The following CCSER1 variants were observed in gnomAD, a reference collection of about 807,000 sequenced individuals.
CCSER1 encodes the protein serine-rich coiled-coil domain-containing protein 1.
In CCSER1, 41 loss-of-function variants were observed where a neutral mutation model predicts 82.0. The observed-to-expected ratio is 0.50, with a 90% CI of 0.39 to 0.65. CCSER1 has a LOEUF of 0.65. Among genes scored for constraint, CCSER1 ranks in the 30% least tolerant of loss-of-function variants. The pLI is 0.00. For missense variants in CCSER1, 1,119 were observed against 1,064.2 expected (o/e 1.05, Z -0.72); for synonymous variants, 414 against 383.9 (o/e 1.08, Z -0.92).
chr4:90,358,446 C>T (rs984131345), intron 3 of CCSER1, among the ~76,000 whole-genome samples: 60 of 152,072 alleles, frequency 3.9e-4, no homozygotes, highest in African/African-American at 1.4e-3. Flanking sequence ...TTAATTAGTA[C>T]ATGGAAAGTA....
At chr4:91,589,563 G>T (rs565884791) in intron 10 of CCSER1, among the ~76,000 whole-genome samples, 1 of 129,700 alleles carries the variant, frequency 7.7e-6, no homozygotes, top group Non-Finnish European at 1.6e-5. Context: ...AGGGTGTCTA[G>T]ACAAGAGGCT....
chr4:90,174,988 G>C (rs1732399591), intron 1 of CCSER1, among the ~76,000 whole-genome samples: 1 of 151,934 alleles, frequency 6.6e-6, no homozygotes, highest in Non-Finnish European at 1.5e-5. Context: ...CTATGACCTA[G>C]CTATTCCAAA....
chr4:90,632,436 C>A (rs963951408), intron 6 of CCSER1, among the ~76,000 whole-genome samples: 1 of 151,590 alleles, frequency 6.6e-6, no homozygotes, highest in African/African-American at 2.4e-5. Flanking sequence ...TAATCTAATC[C>A]AGGTTTGGGG....
chr4:91,189,649 A>G lies in CCSER1; in HGVS notation c.2217+103655A>G, dbSNP rs556452304. 3.3e-5 allele frequency among the ~76,000 whole-genome samples: 5 copies of G among 152,294 alleles called. No individual in the cohort carries two copies. The East Asian group carries it at 9.6e-4, about 29-fold the overall frequency. On this transcript the variant is annotated intron_variant, in intron 10 of 10. Coordinates refer to ENST00000509176, the MANE Select transcript of CCSER1 (RefSeq NM_001145065.2). ...TATCTGAGAACCATGGAGAAATACA[A>G]TCTGGCTAGTACTGTTTTGTTTTTC... is the stretch of plus-strand genomic sequence containing the variant.
chr4:90,699,936 G>T (rs1337058404), intron 6 of CCSER1, among the ~76,000 whole-genome samples: 1 of 151,514 alleles, frequency 6.6e-6, no homozygotes, highest in African/African-American at 2.4e-5. Context: ...GCCAGAAAAT[G>T]GGCCCTTACC....
intron 10 of CCSER1, among the ~76,000 whole-genome samples, chr4:91,171,202 AT>A: frequency 6.6e-6 from 1 of 152,124 alleles, no homozygotes; most frequent in African/African-American, 2.4e-5. Context: ...TATATTAAAT[AT>A]TTTTTCATCC....
chr4:90,461,057 T>A (rs1762841629), intron 4 of CCSER1, among the ~76,000 whole-genome samples: 1 of 76,756 alleles, frequency 1.3e-5, no homozygotes, highest in Non-Finnish European at 2.2e-5. Context: ...CAGGCTATTT[T>A]TTTTTTTTTT....
At chr4:90,569,678 T>G (rs1779873988) in intron 5 of CCSER1, among the ~76,000 whole-genome samples, 1 of 151,144 alleles carries the variant, frequency 6.6e-6, no homozygotes, top group Admixed American at 6.6e-5. Flanking sequence ...CCAGAAGGTT[T>G]TGCTGCATTG....
chr4:90,326,401 A>G (rs1738213866), intron 3 of CCSER1, among the ~76,000 whole-genome samples: 1 of 151,906 alleles, frequency 6.6e-6, no homozygotes, highest in African/African-American at 2.4e-5. Flanking sequence ...AAATTAGAGT[A>G]GCTGCCATTT....
intron 8 of CCSER1, among the ~76,000 whole-genome samples, chr4:90,874,739 C>A (rs975780954): frequency 3.3e-5 from 5 of 151,896 alleles, no homozygotes; most frequent in African/African-American, 1.2e-4. Context: ...TTTAGAAAAC[C>A]CAATGCCTAT....
At chr4:90,129,461 C>G (rs1037742492) in intron 1 of CCSER1, among the ~76,000 whole-genome samples, 5 of 152,180 alleles carry the variant, frequency 3.3e-5, no homozygotes, top group African/African-American at 4.8e-5. Flanking sequence ...AAGTAGCAAC[C>G]TGTACTTTTA....
chr4:90,868,397 G>A (rs1055609334), intron 8 of CCSER1, among the ~76,000 whole-genome samples: 3 of 151,746 alleles, frequency 2.0e-5, no homozygotes, highest in African/African-American at 7.3e-5. Context: ...TCTCTATCTC[G>A]ATGAGGTCAA....
At chr4:91,015,267 G>T (rs557380063) in intron 9 of CCSER1, 1 of 152,036 alleles carries the variant, frequency 6.6e-6, no homozygotes, top group East Asian at 1.9e-4. Flanking sequence ...TACAAGTAAG[G>T]TTATATCAAA....
intron 10 of CCSER1, among the ~76,000 whole-genome samples, chr4:91,559,461 C>A (rs1400351): frequency 2.8e-4 from 43 of 151,238 alleles, no homozygotes; most frequent in Admixed American, 5.3e-4. Context: ...ATTTTTCCCC[C>A]TGGGATATTT....
rs187661365 is a variant in CCSER1 at position 90,920,475 on chromosome 4, G to A, written c.2095-2895G>A. 1.3e-3 allele frequency among the ~76,000 whole-genome samples: 204 copies of A among 151,858 alleles called. 2 individuals are homozygous for A. The highest frequency in any genetic ancestry group is 4.9e-3 in the African/African-American group (203 of 41,474). ...GTAGTAGTTGTTTATGCATATCTTT[G>A]TCATAGTCTCTCTGACTTCTAAATA... is the stretch of plus-strand genomic sequence containing the variant. On this transcript the variant is annotated intron_variant, in intron 8 of 10. Coordinates refer to ENST00000509176, the MANE Select transcript of CCSER1 (RefSeq NM_001145065.2).
intron 10 of CCSER1, among the ~76,000 whole-genome samples, chr4:91,579,301 T>C (rs1763614041): frequency 1.3e-5 from 2 of 151,560 alleles, no homozygotes; most frequent in African/African-American, 4.8e-5. Flanking sequence ...TCCATAATGG[T>C]GGGGATAGGA....
intron 9 of CCSER1, among the ~76,000 whole-genome samples, chr4:91,008,110 T>C (rs779745622): frequency 5.3e-5 from 8 of 152,166 alleles, no homozygotes; most frequent in Non-Finnish European, 1.2e-4. Context: ...ATACTTTTAA[T>C]TTTTAAAAAT....
intron 5 of CCSER1, among the ~76,000 whole-genome samples, chr4:90,475,672 A>G (rs924833899): frequency 1.3e-5 from 2 of 152,178 alleles, no homozygotes; most frequent in Non-Finnish European, 2.9e-5. Flanking sequence ...CTAGGACTCT[A>G]GAGTTAGTCA....
chr4:90,396,525 A>C (rs1261905484), intron 3 of CCSER1, among the ~76,000 whole-genome samples: 1 of 152,156 alleles, frequency 6.6e-6, no homozygotes, highest in Non-Finnish European at 1.5e-5. Flanking sequence ...TTTTCTACTC[A>C]ATTTGTATTT....
Sources: gnomAD v4.1 joint callset for allele counts (sites outside exome capture counted in the v4.1 genomes callset) on GRCh38, gnomAD v4.1.1 for gene constraint, MANE v1.5 for transcripts, NCBI Gene and HGNC (gene_info 2026-07-23, HGNC 2026-07-21) for gene names.